TENT5D: variants seen among roughly 807,000 people sequenced by gnomAD.
The protein encoded by TENT5D is cancer/testis antigen 112.
For missense variants in TENT5D, 191 were observed against 287.0 expected, an observed-to-expected ratio of 0.67 and a Z score of 2.42; for synonymous variants, 103 against 100.6, an observed-to-expected ratio of 1.02 and a Z score of -0.15.
At chrX:80,417,053 A>G, upstream of TENT5D, among the ~76,000 whole-genome samples, 1 of 110,991 alleles carries the variant, frequency 9.0e-6, no homozygotes, top group Non-Finnish European at 1.9e-5. Flanking sequence ...CTACTATATC[A>G]TTTCCTGATT....
At chrX:80,408,793 C>CA (rs2147551553) in intron 3 of TENT5D, among the ~76,000 whole-genome samples, 1 of 110,557 alleles carries the variant, frequency 9.0e-6, no homozygotes, top group East Asian at 2.9e-4. Flanking sequence ...GAGACACAGC[C>CA]AAAAAAGAGA....
At chrX:80,350,603 ATTTGGCAG>A (rs1930157670) in intron 3 of TENT5D, among the ~76,000 whole-genome samples, 1 of 110,729 alleles carries the variant, frequency 9.0e-6, no homozygotes, top group Non-Finnish European at 1.9e-5. Flanking sequence ...TCTTTATCCA[ATTTGGCAG>A]TTTGTGTCTT....
intron 3 of TENT5D, among the ~76,000 whole-genome samples, chrX:80,344,672 G>A (rs1930026564): frequency 9.0e-6 from 1 of 110,606 alleles, no homozygotes; most frequent in Non-Finnish European, 1.9e-5. Context: ...GATATTCATG[G>A]ATCATAGCAG....
chrX:80,400,886 G>A (rs1293672953), intron 3 of TENT5D, among the ~76,000 whole-genome samples: 4 of 111,328 alleles, frequency 3.6e-5, no homozygotes, highest in Non-Finnish European at 7.5e-5. Context: ...GATTGCCTTG[G>A]CTGTTTGGGT....
chrX:80,423,364 A>C (rs1931925268), intron 1 of TENT5D, among the ~76,000 whole-genome samples: 1 of 111,594 alleles, frequency 9.0e-6, no homozygotes, highest in South Asian at 3.8e-4. Context: ...ACAAGGGTGA[A>C]TTTCAAGTGA....
At chrX:80,393,754 CT>C (rs1931184614) in intron 3 of TENT5D, among the ~76,000 whole-genome samples, 1 of 111,509 alleles carries the variant, frequency 9.0e-6, no homozygotes, top group Admixed American at 9.6e-5. Context: ...TTACTCCCTG[CT>C]TTTATGAGCT....
chrX:80,358,179 G>T (rs1475090107), intron 3 of TENT5D, among the ~76,000 whole-genome samples: 1 of 111,581 alleles, frequency 9.0e-6, no homozygotes, highest in Non-Finnish European at 1.9e-5. Context: ...ATGGATTAAA[G>T]ACTTCAATGT....
At chrX:80,437,760 T>A (rs1055558303) in intron 1 of TENT5D, among the ~76,000 whole-genome samples, 1 of 111,548 alleles carries the variant, frequency 9.0e-6, no homozygotes, top group African/African-American at 3.2e-5. Flanking sequence ...TTTCCAATAG[T>A]CAAATCATGT....
intron 3 of TENT5D, among the ~76,000 whole-genome samples, chrX:80,400,985 GA>G (rs1931380221): frequency 3.6e-5 from 4 of 111,623 alleles, no homozygotes; most frequent in African/African-American, 1.3e-4. Context: ...TGATTGCATT[GA>G]ATCTGTAGAT....
chrX:80,351,120 C>T (rs1283379003), intron 3 of TENT5D, among the ~76,000 whole-genome samples: 1 of 110,736 alleles, frequency 9.0e-6, no homozygotes, highest in Non-Finnish European at 1.9e-5. Context: ...GATTATGTGT[C>T]TTGGGGTTGC....
chrX:80,415,547 A>G (rs1169004742), upstream of TENT5D, among the ~76,000 whole-genome samples: 2 of 111,868 alleles, frequency 1.8e-5, no homozygotes, highest in African/African-American at 6.5e-5. Flanking sequence ...TTCTGCATCT[A>G]TTGAGATTTT....
intron 1 of TENT5D, among the ~76,000 whole-genome samples, chrX:80,434,940 GC>G (rs1432655350): frequency 1.8e-5 from 2 of 109,583 alleles, no homozygotes; most frequent in Non-Finnish European, 3.8e-5. Flanking sequence ...CCGCCACCAT[GC>G]CCAGCTAATT....
intron 3 of TENT5D, among the ~76,000 whole-genome samples, chrX:80,363,953 G>C (rs1210263950): frequency 8.9e-6 from 1 of 112,362 alleles, no homozygotes; most frequent in African/African-American, 3.2e-5. Flanking sequence ...TGTGTGGTGA[G>C]AACACTTGAG....
intron 1 of TENT5D, among the ~76,000 whole-genome samples, chrX:80,427,621 T>C (rs946428444): frequency 9.0e-6 from 1 of 111,700 alleles, no homozygotes; most frequent in Non-Finnish European, 1.9e-5. Flanking sequence ...ACACAACACA[T>C]GTATAACTAC....
At chrX:80,364,927 C>G (rs1012798636) in intron 3 of TENT5D, among the ~76,000 whole-genome samples, 36 of 108,800 alleles carry the variant, frequency 3.3e-4, no homozygotes, top group African/African-American at 1.2e-3. Context: ...ATGGGAAATC[C>G]TGCATAAAAA....
At position 80,351,256 on chromosome X, in the gene TENT5D, TCTCC is replaced by T. The variant is rs199737241; in HGVS notation, c.-142+8695_-142+8698del. 6.9e-3 allele frequency among the ~76,000 whole-genome samples: 757 copies of T among 110,479 alleles called. 6 individuals carry two copies. Among genetic ancestry groups the T allele is most frequent in the African/African-American group, 0.024 (721 of 30,342 alleles). ...AGTGTGTTTTTCAACTTGGTTCAAT[TCTCC>T]CTATCACTTTCAGGGACCCCAATCA... On this transcript the variant is annotated intron_variant, in intron 3 of 4. Transcript: ENST00000538312.
At chrX:80,422,501 T>C (rs924762068) in intron 1 of TENT5D, among the ~76,000 whole-genome samples, 2 of 111,244 alleles carry the variant, frequency 1.8e-5, no homozygotes, top group Non-Finnish European at 3.8e-5. Context: ...ATTTTATCTT[T>C]CTTTAATGGC....
intron 3 of TENT5D, among the ~76,000 whole-genome samples, chrX:80,379,517 A>T (rs966544169): frequency 5.4e-5 from 6 of 111,053 alleles, no homozygotes; most frequent in African/African-American, 9.8e-5. Flanking sequence ...TGATTGGAAT[A>T]GTTTCAGAAG....
At chrX:80,443,206 A>G (rs1449721198) in exon 3 of TENT5D, 1 of 1,210,266 alleles carries the variant, frequency 8.3e-7, no homozygotes. Context: ...ACACAAGCTC[A>G]TATGTACCAG....
Sources: gnomAD v4.1 joint callset for allele counts (sites outside exome capture counted in the v4.1 genomes callset) on GRCh38, gnomAD v4.1.1 for gene constraint, MANE v1.5 for transcripts, NCBI Gene and HGNC (gene_info 2026-07-23, HGNC 2026-07-21) for gene names.